The following MCC variants were observed in gnomAD, a reference collection of about 807,000 sequenced individuals.
MCC encodes MCC regulator of Wnt signaling pathway.
A neutral mutation model predicts 116.2 loss-of-function variants in MCC; 90 were observed. The observed-to-expected ratio is 0.77, with a 90% confidence interval of 0.65 to 0.92. The LOEUF (loss-of-function observed/expected upper bound fraction) is 0.92, where lower values mean the gene tolerates loss of function less well. Ranked by LOEUF, MCC falls within the 40% of genes least tolerant of loss-of-function variation. The pLI is 0.00. For missense variants in MCC, 1,516 were observed against 1,312.2 expected, an observed-to-expected ratio of 1.16 and a Z score of -2.40; for synonymous variants, 578 against 510.5, an observed-to-expected ratio of 1.13 and a Z score of -1.78.
At chr5:113,064,987 C>G (rs1258718362) in intron 13 of MCC, among the ~76,000 whole-genome samples, 1 of 152,150 alleles carries the variant, frequency 6.6e-6, no homozygotes, top group East Asian at 1.9e-4. Flanking sequence ...AAGACCCTGT[C>G]TCCAAAACAA....
chr5:113,074,114 C>G (rs1452300507), intron 11 of MCC, among the ~76,000 whole-genome samples: 1 of 152,222 alleles, frequency 6.6e-6, no homozygotes, highest in African/African-American at 2.4e-5. Flanking sequence ...AGTAGCCTAA[C>G]TGGGAGACAC....
At chr5:113,174,086 T>A (rs868421897) in intron 3 of MCC, among the ~76,000 whole-genome samples, 1 of 152,204 alleles carries the variant, frequency 6.6e-6, no homozygotes, top group Non-Finnish European at 1.5e-5. Flanking sequence ...GAATGAGGTA[T>A]ATCACTGCCA....
At chr5:113,438,120 T>C (rs186077933) in intron 1 of MCC, among the ~76,000 whole-genome samples, 1 of 152,344 alleles carries the variant, frequency 6.6e-6, no homozygotes, top group East Asian at 1.9e-4. Flanking sequence ...TCCTTGGTCC[T>C]AGGGCTCTGA....
chr5:113,406,309 C>T (rs1021234965), intron 1 of MCC, among the ~76,000 whole-genome samples: 15 of 152,188 alleles, frequency 9.9e-5, no homozygotes, highest in African/African-American at 1.4e-4. Flanking sequence ...ACATTGCTAG[C>T]TTAAGATTGT....
intron 3 of MCC, among the ~76,000 whole-genome samples, chr5:113,314,339 T>C (rs939319109): frequency 6.6e-6 from 1 of 152,262 alleles, no homozygotes; most frequent in East Asian, 1.9e-4. Flanking sequence ...GCTGGATGAC[T>C]GTGTCCTTCA....
intron 3 of MCC, among the ~76,000 whole-genome samples, chr5:113,299,284 C>A (rs1490691092): frequency 1.1e-5 from 1 of 87,926 alleles, no homozygotes; most frequent in Non-Finnish European, 2.1e-5. Flanking sequence ...CAGAGTGAGA[C>A]TCCGTCTCAA....
At chr5:113,419,605 A>C (rs1221181302) in intron 1 of MCC, among the ~76,000 whole-genome samples, 2 of 152,070 alleles carry the variant, frequency 1.3e-5, no homozygotes, top group Non-Finnish European at 2.9e-5. Flanking sequence ...ACAATAGCAA[A>C]GACTTGGAAC....
At chr5:113,294,498 C>T in intron 3 of MCC, 2 of 1,564,876 alleles carry the variant, frequency 1.3e-6, no homozygotes, top group South Asian at 2.3e-5. Context: ...TTAGTCTAGA[C>T]AGCCATTTTC....
intron 8 of MCC, among the ~76,000 whole-genome samples, chr5:113,089,230 G>A (rs1214761657): frequency 6.6e-6 from 1 of 152,178 alleles, no homozygotes; most frequent in Non-Finnish European, 1.5e-5. Flanking sequence ...TGCAGAAGAA[G>A]AAACCTGGCT....
chr5:113,039,136 G>A (rs923654444), intron 17 of MCC, among the ~76,000 whole-genome samples: 2 of 152,226 alleles, frequency 1.3e-5, no homozygotes, highest in African/African-American at 4.8e-5. Context: ...CTCAGGTGAT[G>A]TATCATGGTG....
At chr5:113,440,768 A>G (rs1771013675) in intron 1 of MCC, among the ~76,000 whole-genome samples, 3 of 152,174 alleles carry the variant, frequency 2.0e-5, no homozygotes, top group Admixed American at 2.0e-4. Flanking sequence ...AAAGAAGAGG[A>G]GGAAGAAGGA....
intron 11 of MCC, among the ~76,000 whole-genome samples, chr5:113,075,000 C>A (rs533918092): frequency 6.6e-6 from 1 of 152,358 alleles, no homozygotes; most frequent in East Asian, 1.9e-4. Flanking sequence ...GTGGGGGCCC[C>A]TCTCTGGGGT....
rs139931717 is a variant in MCC at position 113,028,972 on chromosome 5, T to C, written c.2841A>G (p.Gln947=). The C allele has an allele frequency of 1.9e-5, 31 of 1,614,054 alleles. No homozygotes were observed. Among genetic ancestry groups the C allele is most frequent in the Non-Finnish European group, 2.2e-5 (26 of 1,179,976 alleles). ...TTAGATCATTCACGAACTCTGCAGA[T>C]TGCTGATGTCGGATTTCACTGCTCT... is the stretch of plus-strand genomic sequence containing the variant. ...LTKSSEIRHQ[Q]SAEFVNDLKR... is the part of the protein sequence containing the mutation. The change falls in exon 18 of 19, where the codon CAA becomes CAG. Residue 947 remains glutamine, a synonymous_variant. Transcript: ENST00000408903.
intron 1 of MCC, among the ~76,000 whole-genome samples, chr5:113,418,516 A>T (rs751109548): frequency 1.3e-5 from 2 of 150,288 alleles, no homozygotes; most frequent in Non-Finnish European, 1.5e-5. Context: ...ACCTCCAGCC[A>T]TGTGAAATTT....
chr5:113,046,408 T>G (rs1752076800), intron 16 of MCC, among the ~76,000 whole-genome samples: 1 of 151,984 alleles, frequency 6.6e-6, no homozygotes, highest in South Asian at 2.1e-4. Flanking sequence ...GTGATGCTGG[T>G]CTTGAACTCC....
intron 2 of MCC, among the ~76,000 whole-genome samples, chr5:113,361,069 C>T (rs1398577401): frequency 6.6e-6 from 1 of 152,150 alleles, no homozygotes; most frequent in Non-Finnish European, 1.5e-5. Context: ...TTTTCTCCTC[C>T]AAACCTCAAC....
At chr5:113,299,180 C>T (rs1315227717) in intron 3 of MCC, among the ~76,000 whole-genome samples, 21 of 151,492 alleles carry the variant, frequency 1.4e-4, no homozygotes, top group Non-Finnish European at 1.5e-5. Context: ...CCCAGATACT[C>T]AGGAGGCTGA....
chr5:113,102,483 A>G (rs896223953), intron 7 of MCC, among the ~76,000 whole-genome samples: 2 of 152,262 alleles, frequency 1.3e-5, no homozygotes, highest in African/African-American at 4.8e-5. Flanking sequence ...AATGAGGTTC[A>G]GTCTCAAGAT....
intron 3 of MCC, among the ~76,000 whole-genome samples, chr5:113,339,408 AGTGTGTGT>A (rs60886614): frequency 5.7e-5 from 7 of 123,584 alleles, no homozygotes; most frequent in Non-Finnish European, 8.5e-5. Context: ...AGGCTTCCTT[AGTGTGTGT>A]GTGTGTGTGT....
Sources: gnomAD v4.1 joint callset for allele counts (sites outside exome capture counted in the v4.1 genomes callset) on GRCh38, gnomAD v4.1.1 for gene constraint, MANE v1.5 for transcripts, NCBI Gene and HGNC (gene_info 2026-07-23, HGNC 2026-07-21) for gene names.